Variants in ARHGEF19 observed in about 807,000 individuals in gnomAD.
ARHGEF19 encodes the protein Rho guanine nucleotide exchange factor 19.
Under a neutral mutation model 87.6 loss-of-function variants are expected in ARHGEF19, and 92 were observed. That is an observed-to-expected ratio of 1.05 (90% confidence interval 0.89 to 1.25). ARHGEF19 has a LOEUF of 1.25. Among genes scored for constraint, ARHGEF19 ranks in the 50% most tolerant of loss-of-function variants. The pLI, the probability that ARHGEF19 is intolerant of heterozygous loss-of-function variation, is 0.00. For missense variants in ARHGEF19, 1,054 were observed against 1,051.8 expected (o/e 1.00, Z -0.03); for synonymous variants, 438 against 446.2 (o/e 0.98, Z 0.23).
rs989700950 is a variant in ARHGEF19, at chr1:16,206,859, C to T, written c.1137+89G>A. 2.2e-6 allele frequency: 3 copies of T among 1,359,652 alleles called. No homozygotes were observed. Among genetic ancestry groups the T allele is most frequent in the African/African-American group, 1.5e-5 (1 of 65,020 alleles). 84.2% of individuals were successfully genotyped at this position (1,359,652 alleles called of 1,614,324 possible). On this transcript the variant is annotated intron_variant, in intron 6 of 15. Transcript: ENST00000270747. The surrounding 1 kb of genome is among the most constrained non-coding windows in gnomAD (Gnocchi z 4.6). ...GCCAGCAACCCCCTTTGTGTGTCCC[C>T]CTCCCTCTATGGCCCGGTTCCCGCT...
At position 16,207,176 on chromosome 1, in the gene ARHGEF19, G is replaced by T. The variant is rs1237107404; in HGVS notation, c.909C>A (p.Ser303Arg). ...GCTGCTGCCGCCGCAGTTCGCGGGC[G>T]CTGGCCACGTCGCTGTATTCCTGAT... ...VLYQEYSDVA[S>R]ARELRRQQRE... Residue 303 changes from serine to arginine, a missense_variant, in exon 6 of 16, where the codon AGC (serine) becomes AGA (arginine). Coordinates refer to ENST00000270747, the MANE Select transcript of ARHGEF19 (RefSeq NM_153213.5). The surrounding 1 kb of genome is among the most constrained non-coding windows in gnomAD (Gnocchi z 4.0). 17 of 1,529,384 alleles carry T rather than the reference G, an allele frequency of 1.1e-5. No individual in the cohort carries two copies. Among genetic ancestry groups the T allele is most frequent in the African/African-American group, 1.4e-5 (1 of 71,230 alleles). 94.7% of individuals were successfully genotyped at this position (1,529,384 alleles called of 1,614,324 possible).
At chr1:16,212,286 G>A (rs1330065598) in intron 1 of ARHGEF19, among the ~76,000 whole-genome samples, 2 of 152,138 alleles carry the variant, frequency 1.3e-5, no homozygotes, top group East Asian at 3.9e-4. Context: ...AGGAGAGCTG[G>A]TACCCTGCCA....
In ARHGEF19 at chr1:16,207,736, C is replaced by T; in HGVS notation, c.736G>A (p.Gly246Arg). The T allele has an allele frequency of 6.2e-7, 1 of 1,614,040 alleles. No individual in the cohort carries two copies. The highest frequency in any genetic ancestry group is 8.5e-7 in the Non-Finnish European group (1 of 1,180,026). ...GMEARSVEMS[G>R]DRVSRPAPGD... is the part of the protein sequence containing the mutation. Reference sequence around the variant, plus strand: ...GGGGCTGGCCGCGACACCCGGTCCCCGCTCATCTCTACACTTCGAGCCTCC... The same window carrying T: ...GGGGCTGGCCGCGACACCCGGTCCCTGCTCATCTCTACACTTCGAGCCTCC... Residue 246 changes from glycine (G) to arginine (R), a missense_variant, in exon 4 of 16, where the codon GGG becomes AGG. Physicochemically the swap from Gly to Arg is moderately radical, Grantham distance 125 (BLOSUM62 -2). Coordinates refer to ENST00000270747, the MANE Select transcript of ARHGEF19 (RefSeq NM_153213.5). This position sits in a 1 kb window ranked among gnomAD's most constrained non-coding sequence, Gnocchi z 4.0.
In ARHGEF19 at chr1:16,206,458, C is replaced by T. The variant is rs1036303959; in HGVS notation, c.1138-118G>A. The T allele has an allele frequency of 8.6e-7, 1 of 1,166,524 alleles. No individual in the cohort carries two copies. Among genetic ancestry groups the T allele is most frequent in the African/African-American group, 1.6e-5 (1 of 64,258 alleles). The allele number at this position is 1,166,524 out of a possible 1,614,324, so 72.3% of individuals were successfully genotyped here. ...CGCGTCCTCGCCCCTTCTCTAGCCC[C>T]ACTCCTAATCTGGCGCCGGGCGGGC... On this transcript the variant is annotated intron_variant, in intron 6 of 15. Transcript: ENST00000270747. The surrounding 1 kb of genome is among the most constrained non-coding windows in gnomAD (Gnocchi z 4.6).
Position 16,207,177 on chromosome 1 carries a change from C to T in ARHGEF19, c.908G>A (p.Ser303Asn). 1 of 1,530,676 alleles carries T rather than the reference C, an allele frequency of 6.5e-7. No individual in the cohort carries two copies. The highest frequency in any genetic ancestry group is 8.7e-7 in the Non-Finnish European group (1 of 1,142,950). The allele number at this position is 1,530,676 out of a possible 1,614,324, so 94.8% of individuals were successfully genotyped here. Residue 303 changes from serine to asparagine, a missense_variant, in exon 6 of 16, where the codon AGC becomes AAC. Transcript: ENST00000270747. The surrounding 1 kb of genome is among the most constrained non-coding windows in gnomAD (Gnocchi z 4.0). ...CTGCTGCCGCCGCAGTTCGCGGGCG[C>T]TGGCCACGTCGCTGTATTCCTGATA... ...VLYQEYSDVA[S>N]ARELRRQQRE...
intron 2 of ARHGEF19, 43 bp downstream of exon 2, chr1:16,208,600 C>A (rs767971352): frequency 6.4e-6 from 10 of 1,551,430 alleles, no homozygotes; most frequent in Non-Finnish European, 7.8e-6. Context: ...TCCCCTATCC[C>A]CCTGCCATGG....
chr1:16,208,120 G>A lies in ARHGEF19; in HGVS notation c.518C>T (p.Thr173Ile). 6.2e-7 allele frequency: 1 copy of A among 1,613,670 alleles called. No homozygotes were observed. Among genetic ancestry groups the A allele is most frequent in the Non-Finnish European group, 8.5e-7 (1 of 1,179,672 alleles). The change falls in exon 3 of 16, where the codon ACA becomes ATA. Residue 173 changes from threonine to isoleucine, a missense_variant. Thr to Ile is a moderately conservative substitution (Grantham distance 89, BLOSUM62 -1). Coordinates refer to ENST00000270747, the MANE Select transcript of ARHGEF19 (RefSeq NM_153213.5). ...AGACAACTCCACCCTGGGCTCCTCT[G>A]TGCTCAGGGCCTGCTCTTGCACTAC... ...GQVVQEQALSTEEPRVELSGS... is the reference protein window; with the variant it reads ...GQVVQEQALSIEEPRVELSGS...
intron 14 of ARHGEF19, among the ~76,000 whole-genome samples, chr1:16,200,293 G>A (rs2081072791): frequency 6.6e-6 from 1 of 152,254 alleles, no homozygotes; most frequent in African/African-American, 2.4e-5. Flanking sequence ...TATGAAAAAT[G>A]TCTACCTAGT....
At chr1:16,202,972 G>A (rs911039365) in intron 12 of ARHGEF19, among the ~76,000 whole-genome samples, 3 of 152,082 alleles carry the variant, frequency 2.0e-5, no homozygotes, top group African/African-American at 7.2e-5. Flanking sequence ...CGCCTTCCAG[G>A]TTCAAGCGAT....
intron 12 of ARHGEF19, among the ~76,000 whole-genome samples, chr1:16,204,310 C>T (rs1328258641): frequency 2.0e-5 from 3 of 152,214 alleles, no homozygotes; most frequent in Non-Finnish European, 4.4e-5. Flanking sequence ...CCTCCTGGCT[C>T]CCCCACCTAC....
intron 14 of ARHGEF19, among the ~76,000 whole-genome samples, chr1:16,201,553 A>G (rs2081083695): frequency 6.6e-6 from 1 of 152,142 alleles, no homozygotes; most frequent in African/African-American, 2.4e-5. Flanking sequence ...GTGAAATGGG[A>G]GGCTACGAAG....
intron 14 of ARHGEF19, among the ~76,000 whole-genome samples, chr1:16,200,280 A>G (rs72907774): frequency 0.033 from 5,034 of 152,350 alleles, 275 homozygotes; most frequent in African/African-American, 0.11. Flanking sequence ...GAGTTTTCTC[A>G]GATATGAAAA....
Position 16,207,927 on chromosome 1 carries a change from A to T in ARHGEF19, c.694+17T>A, listed in dbSNP as rs1005818392. 8.5e-7 allele frequency: 1 copy of T among 1,181,750 alleles called. No homozygotes were observed. Among genetic ancestry groups the T allele is most frequent in the Non-Finnish European group, 1.1e-6 (1 of 884,848 alleles). 73.2% of individuals were successfully genotyped at this position (1,181,750 alleles called of 1,614,324 possible). Reference sequence around the variant, plus strand: ...CGGCATCTGGCTGCCCTCAGGGCCCATGGGAGGAGCTGGTACCTTCCCGGG... The same window carrying T: ...CGGCATCTGGCTGCCCTCAGGGCCCTTGGGAGGAGCTGGTACCTTCCCGGG... On this transcript the variant is annotated intron_variant, in intron 3 of 15. Coordinates refer to ENST00000270747, the MANE Select transcript of ARHGEF19 (RefSeq NM_153213.5). This position sits in a 1 kb window ranked among gnomAD's most constrained non-coding sequence, Gnocchi z 4.0.
In ARHGEF19 at chr1:16,207,748, C is replaced by A; in HGVS notation, c.724G>T (p.Val242Leu). 6.2e-7 allele frequency: 1 copy of A among 1,614,054 alleles called. No homozygotes were observed. Among genetic ancestry groups the A allele is most frequent in the Non-Finnish European group, 8.5e-7 (1 of 1,180,040 alleles). Reference sequence around the variant, plus strand: ...GACACCCGGTCCCCGCTCATCTCTACACTTCGAGCCTCCATTCCAGATGCT... The same window carrying A: ...GACACCCGGTCCCCGCTCATCTCTAAACTTCGAGCCTCCATTCCAGATGCT... ...GKASGMEARS[V>L]EMSGDRVSRP... The change falls in exon 4 of 16, where the codon GTA becomes TTA. Residue 242 changes from valine (V) to leucine (L), a missense_variant. Transcript: ENST00000270747. This position sits in a 1 kb window ranked among gnomAD's most constrained non-coding sequence, Gnocchi z 4.0.
chr1:16,206,945 C>A lies in ARHGEF19; in HGVS notation c.1137+3G>T. The A allele has an allele frequency of 6.8e-7, 1 of 1,467,836 alleles. No individual in the cohort carries two copies. Among genetic ancestry groups the A allele is most frequent in the Non-Finnish European group, 8.9e-7 (1 of 1,118,330 alleles). The allele number at this position is 1,467,836 out of a possible 1,614,324, so 90.9% of individuals were successfully genotyped here. ...GCCCCGCCGGGTCCCCGCGCGCGCC[C>A]ACCTCCTGCAGCTTGCAGTCCCGCA... is the stretch of plus-strand genomic sequence containing the variant. On this transcript the variant is annotated splice_donor_region_variant and intron_variant, in intron 6 of 15. Coordinates refer to ENST00000270747, the MANE Select transcript of ARHGEF19 (RefSeq NM_153213.5). The surrounding 1 kb of genome is among the most constrained non-coding windows in gnomAD (Gnocchi z 4.6).
At chr1:16,209,182 G>T in intron 1 of ARHGEF19, 99 bp from the exon 2 acceptor site, 1 of 793,364 alleles carries the variant, frequency 1.3e-6, no homozygotes, top group Non-Finnish European at 1.8e-6. Flanking sequence ...GTACACTTGT[G>T]TACACACATC....
chr1:16,199,271 G>A lies in ARHGEF19; in HGVS notation c.2147-17C>T. On this transcript the variant is annotated splice_polypyrimidine_tract_variant and intron_variant, in intron 14 of 15. Transcript: ENST00000270747. Reference sequence around the variant, plus strand: ...GGGGGCAATCTGACAGCCCAAGGGAGGCTCAGGGAGTCCCAAGGGCAGGAT... The same window carrying A: ...GGGGGCAATCTGACAGCCCAAGGGAAGCTCAGGGAGTCCCAAGGGCAGGAT... The A allele has an allele frequency of 6.2e-7, 1 of 1,612,688 alleles. No individual in the cohort carries two copies. Among genetic ancestry groups the A allele is most frequent in the Non-Finnish European group, 8.5e-7 (1 of 1,178,776 alleles).
rs1490954013 is a variant in ARHGEF19 at position 16,205,574 on chromosome 1, G to A, written c.1545C>T (p.Pro515=). The change falls in exon 9 of 16, where the codon CCC becomes CCT. Residue 515 remains proline, a synonymous_variant. Coordinates refer to ENST00000270747, the MANE Select transcript of ARHGEF19 (RefSeq NM_153213.5). The surrounding 1 kb of genome is among the most constrained non-coding windows in gnomAD (Gnocchi z 5.8). ...RLPLTSFLIL[P]FQRITRLKML... ...TCTTGAGGCGGGTGATCCTCTGGAA[G>A]GGCAGGATAAGGAAGGAGGTAAGGG... 3 of 1,614,018 alleles carry A rather than the reference G, an allele frequency of 1.9e-6. No homozygotes were observed. The highest frequency in any genetic ancestry group is 2.5e-6 in the Non-Finnish European group (3 of 1,179,950).
Position 16,198,829 on chromosome 1 carries a change from C to G in ARHGEF19, c.2252-85G>C. 6.7e-7 allele frequency: 1 copy of G among 1,492,646 alleles called. No individual in the cohort carries two copies. The highest frequency in any genetic ancestry group is 9.0e-7 in the Non-Finnish European group (1 of 1,114,600). 92.5% of individuals were successfully genotyped at this position (1,492,646 alleles called of 1,614,324 possible). ...GGGAACACCACAGCCCTGATGCAAG[C>G]TTTGTCTGCACCCTTGGGGCCAAGG... is the stretch of plus-strand genomic sequence containing the variant. On this transcript the variant is annotated intron_variant, in intron 15 of 15. Transcript: ENST00000270747. This position sits in a 1 kb window ranked among gnomAD's most constrained non-coding sequence, Gnocchi z 4.1.
Sources: allele counts gnomAD v4.1 joint callset (sites outside exome capture counted in the v4.1 genomes callset), GRCh38; gene constraint gnomAD v4.1.1; non-coding constraint Gnocchi (gnomAD v3.1); transcripts MANE v1.5; gene names NCBI Gene and HGNC (gene_info 2026-07-23, HGNC 2026-07-21).